TNFSF4: variants seen among roughly 807,000 people sequenced by gnomAD.
The protein encoded by TNFSF4 is tumor necrosis factor ligand superfamily member 4.
Under a neutral mutation model 7.3 loss-of-function variants are expected in TNFSF4, and 4 were observed. The observed-to-expected ratio is 0.55, with a 90% confidence interval of 0.27 to 1.25. TNFSF4 has a LOEUF of 1.25. Ranked by LOEUF, TNFSF4 falls within the 50% of genes most tolerant of loss-of-function variation. The probability of loss-of-function intolerance (pLI) is 0.12; values close to 1 mark genes in which losing one functional copy is unlikely to be tolerated. For missense variants in TNFSF4, 181 were observed against 208.8 expected (o/e 0.87, Z 0.82); for synonymous variants, 76 against 83.7 (o/e 0.91, Z 0.50).
At chr1:173,389,558 C>A in the TNFSF4 span, among the ~76,000 whole-genome samples, 1 of 152,080 alleles carries the variant, frequency 6.6e-6, no homozygotes, top group Admixed American at 6.6e-5. Flanking sequence ...TACAAGCAAG[C>A]CTGACTTTAT....
chr1:173,449,345 CTTTCT>C, the TNFSF4 span, among the ~76,000 whole-genome samples: 619 of 150,858 alleles, frequency 4.1e-3, 6 homozygotes, highest in African/African-American at 0.014. Context: ...TTTCTTCTTT[CTTTCT>C]TTTTTTTTTT....
the TNFSF4 span, among the ~76,000 whole-genome samples, chr1:173,406,238 T>C: frequency 7.2e-4 from 110 of 152,292 alleles, no homozygotes; most frequent in South Asian, 0.022. Flanking sequence ...AATAAATATA[T>C]GGATAGCTCT....
At chr1:173,269,813 G>A in the TNFSF4 span, among the ~76,000 whole-genome samples, 1 of 152,146 alleles carries the variant, frequency 6.6e-6, no homozygotes, top group African/African-American at 2.4e-5. Flanking sequence ...AGATAAAAGA[G>A]GACAACTGTT....
the TNFSF4 span, among the ~76,000 whole-genome samples, chr1:173,367,517 C>T: frequency 6.6e-6 from 1 of 152,208 alleles, no homozygotes; most frequent in Non-Finnish European, 1.5e-5. Flanking sequence ...TCACTTCCAA[C>T]CCTACCAACA....
the TNFSF4 span, among the ~76,000 whole-genome samples, chr1:173,320,956 T>C: frequency 6.6e-6 from 1 of 152,126 alleles, no homozygotes; most frequent in South Asian, 2.1e-4. Context: ...GTGACTTTCT[T>C]CCCAGAATTA....
chr1:173,282,736 C>T, the TNFSF4 span, among the ~76,000 whole-genome samples: 4 of 152,090 alleles, frequency 2.6e-5, no homozygotes, highest in East Asian at 1.9e-4. Context: ...GGATTACAGG[C>T]GTGAGCTACC....
chr1:173,311,990 A>T, the TNFSF4 span, among the ~76,000 whole-genome samples: 3 of 152,132 alleles, frequency 2.0e-5, no homozygotes, highest in African/African-American at 4.8e-5. Flanking sequence ...CTCTTCTGGC[A>T]TGGAGCAAGG....
chr1:173,299,618 A>G, the TNFSF4 span, among the ~76,000 whole-genome samples: 6 of 151,998 alleles, frequency 3.9e-5, no homozygotes, highest in African/African-American at 9.7e-5. Flanking sequence ...GAGGTAACTC[A>G]TAAGTGCTTT....
chr1:173,420,240 T>G, the TNFSF4 span, among the ~76,000 whole-genome samples: 1 of 152,122 alleles, frequency 6.6e-6, no homozygotes, highest in Non-Finnish European at 1.5e-5. Flanking sequence ...AACAGTCTAC[T>G]CAACCTGAAG....
the TNFSF4 span, among the ~76,000 whole-genome samples, chr1:173,344,308 G>A: frequency 6.6e-6 from 1 of 152,170 alleles, no homozygotes; most frequent in Non-Finnish European, 1.5e-5. Context: ...TATGGCATGG[G>A]GGAAAGTGTA....
chr1:173,323,573 G>A, the TNFSF4 span, among the ~76,000 whole-genome samples: 1 of 152,174 alleles, frequency 6.6e-6, no homozygotes, highest in South Asian at 2.1e-4. Flanking sequence ...CTGAGCTAAA[G>A]GAGGAAGTTC....
chr1:173,230,245 C>T, the TNFSF4 span, among the ~76,000 whole-genome samples: 1 of 152,210 alleles, frequency 6.6e-6, no homozygotes, highest in Non-Finnish European at 1.5e-5. Context: ...GACCACAGTG[C>T]AATCAAATTA....
the TNFSF4 span, among the ~76,000 whole-genome samples, chr1:173,419,913 G>A: frequency 6.6e-6 from 1 of 151,968 alleles, no homozygotes; most frequent in East Asian, 1.9e-4. Context: ...GGCGGGGGGG[G>A]GGATGAGAGG....
At chr1:173,379,902 C>G in the TNFSF4 span, among the ~76,000 whole-genome samples, 10 of 152,320 alleles carry the variant, frequency 6.6e-5, no homozygotes, top group East Asian at 1.2e-3. Flanking sequence ...TGCACTGCCC[C>G]AGACTGCAAT....
At chr1:173,287,946 A>C in the TNFSF4 span, among the ~76,000 whole-genome samples, 1 of 152,236 alleles carries the variant, frequency 6.6e-6, no homozygotes, top group Non-Finnish European at 1.5e-5. Flanking sequence ...CTACATCTTG[A>C]TGAGGCAGTT....
At chr1:173,405,809 T>C in the TNFSF4 span, among the ~76,000 whole-genome samples, 1 of 152,222 alleles carries the variant, frequency 6.6e-6, no homozygotes, top group Admixed American at 6.5e-5. Flanking sequence ...AAATCCAAAT[T>C]TCCAGCATGA....
the TNFSF4 span, among the ~76,000 whole-genome samples, chr1:173,278,019 A>C: frequency 3.3e-5 from 5 of 152,134 alleles, no homozygotes; most frequent in African/African-American, 1.2e-4. Flanking sequence ...TTCTTGTGTC[A>C]GGCCTAAATT....
At chr1:173,400,894 C>T in the TNFSF4 span, among the ~76,000 whole-genome samples, 1,458 of 152,216 alleles carry the variant, frequency 9.6e-3, 21 homozygotes, top group African/African-American at 0.034. Context: ...AAAGGCAATA[C>T]GAATAAGTAG....
the TNFSF4 span, among the ~76,000 whole-genome samples, chr1:173,341,188 G>A: frequency 6.6e-6 from 1 of 152,138 alleles, no homozygotes; most frequent in East Asian, 1.9e-4. Context: ...AAATTACCCA[G>A]TCTCAGGTAT....
Sources: gnomAD v4.1 joint callset for allele counts (sites outside exome capture counted in the v4.1 genomes callset) on GRCh38, gnomAD v4.1.1 for gene constraint, MANE v1.5 for transcripts, NCBI Gene and HGNC (gene_info 2026-07-23, HGNC 2026-07-21) for gene names.